The following INTS15 variants were observed in gnomAD, a reference collection of about 807,000 sequenced individuals.
INTS15 encodes the protein uncharacterized protein C7orf26.
the INTS15 span, chr7:6,591,897 T>C: frequency 6.3e-7 from 1 of 1,597,512 alleles, no homozygotes; most frequent in Non-Finnish European, 8.6e-7. Context: ...CTCGGCCGGG[T>C]GCGGTGGCTC....
At chr7:6,608,178 CT>C in the INTS15 span, 1 of 1,547,728 alleles carries the variant, frequency 6.5e-7, no homozygotes, top group Non-Finnish European at 8.7e-7. Context: ...CCGTGTGTGC[CT>C]TCTGCGCTCT....
At chr7:6,595,355 A>C in the INTS15 span, among the ~76,000 whole-genome samples, 3 of 151,838 alleles carry the variant, frequency 2.0e-5, no homozygotes, top group Non-Finnish European at 2.9e-5. Flanking sequence ...GTAGAGATGG[A>C]GTTTCACTGT....
chr7:6,607,932 G>C, the INTS15 span: 5 of 1,596,988 alleles, frequency 3.1e-6, no homozygotes, highest in African/African-American at 5.3e-5. This position sits in a 1 kb window ranked among gnomAD's most constrained non-coding sequence, Gnocchi z 6.0. Context: ...GAGCCCGCCC[G>C]CGCTGACGCT....
chr7:6,598,735 T>TGTGTG, the INTS15 span, among the ~76,000 whole-genome samples: 1 of 83,618 alleles, frequency 1.2e-5, no homozygotes, highest in Non-Finnish European at 2.1e-5. Context: ...GCTGTATGCT[T>TGTGTG]TGTGTGTGTG....
the INTS15 span, among the ~76,000 whole-genome samples, chr7:6,607,309 G>C: frequency 1.3e-5 from 2 of 152,044 alleles, no homozygotes; most frequent in African/African-American, 4.8e-5. This position sits in a 1 kb window ranked among gnomAD's most constrained non-coding sequence, Gnocchi z 6.0. Flanking sequence ...CTGGGGCCCG[G>C]AGGCCTTGGT....
the INTS15 span, chr7:6,602,000 C>A: frequency 9.7e-7 from 1 of 1,026,506 alleles, no homozygotes; most frequent in Non-Finnish European, 1.5e-6. Flanking sequence ...TAGTATGAGG[C>A]GCTCTTGCTG....
At chr7:6,602,294 C>A in the INTS15 span, 192 of 601,140 alleles carry the variant, frequency 3.2e-4, 2 homozygotes, top group African/African-American at 3.4e-3. Context: ...GTGAATGGAA[C>A]TCAAGTAGAA....
At chr7:6,600,028 C>T in the INTS15 span, 1 of 1,614,134 alleles carries the variant, frequency 6.2e-7, no homozygotes, top group South Asian at 1.1e-5. Flanking sequence ...AAAAGAAGCC[C>T]CCCTTATCCA....
At chr7:6,594,346 T>G in the INTS15 span, 1 of 1,354,260 alleles carries the variant, frequency 7.4e-7, no homozygotes, top group Non-Finnish European at 1.0e-6. Context: ...GGTTCTGCCA[T>G]TTCTGGAGGT....
At chr7:6,602,768 T>C in the INTS15 span, 2 of 471,006 alleles carry the variant, frequency 4.2e-6, no homozygotes, top group Admixed American at 2.4e-5. Flanking sequence ...AAGTGGGAAC[T>C]GTGGTCAGAT....
At chr7:6,602,151 T>G in the INTS15 span, 1 of 1,611,350 alleles carries the variant, frequency 6.2e-7, no homozygotes, top group South Asian at 1.1e-5. Context: ...GTAAGTATCC[T>G]CAGGACTCCT....
the INTS15 span, among the ~76,000 whole-genome samples, chr7:6,593,329 G>GT: frequency 0.015 from 1,978 of 130,820 alleles, 48 homozygotes; most frequent in African/African-American, 0.04. Context: ...CTGTGCGGTG[G>GT]TTTTTTTTTT....
chr7:6,606,171 T>C, the INTS15 span, among the ~76,000 whole-genome samples: 21 of 152,328 alleles, frequency 1.4e-4, no homozygotes, highest in Admixed American at 5.2e-4. Context: ...CGTTAATCTC[T>C]TGCTAAGTTA....
chr7:6,596,549 T>G, the INTS15 span, among the ~76,000 whole-genome samples: 5 of 151,444 alleles, frequency 3.3e-5, no homozygotes, highest in African/African-American at 1.2e-4. Flanking sequence ...CGGCTACTTT[T>G]TGTATTTTTA....
At chr7:6,608,001 C>T in the INTS15 span, 3 of 1,600,132 alleles carry the variant, frequency 1.9e-6, no homozygotes, top group Non-Finnish European at 2.5e-6. Context: ...CAGCAGTCGC[C>T]TCACGCCGCG....
At chr7:6,598,782 TGTGTA>T in the INTS15 span, among the ~76,000 whole-genome samples, 502 of 96,314 alleles carry the variant, frequency 5.2e-3, 8 homozygotes, top group African/African-American at 0.029. Flanking sequence ...TGTGTGTGTG[TGTGTA>T]TTTTTTTTTT....
chr7:6,591,540 A>C, the INTS15 span: 1 of 956,022 alleles, frequency 1.0e-6, no homozygotes, highest in Non-Finnish European at 1.6e-6. Context: ...CTGGGATTAC[A>C]GGCATGAGCC....
chr7:6,595,087 A>G, the INTS15 span, among the ~76,000 whole-genome samples: 1 of 152,108 alleles, frequency 6.6e-6, no homozygotes, highest in Non-Finnish European at 1.5e-5. Flanking sequence ...GCTGGAGTGC[A>G]GAGGCGTGAT....
At chr7:6,595,412 C>G in the INTS15 span, among the ~76,000 whole-genome samples, 2 of 152,308 alleles carry the variant, frequency 1.3e-5, no homozygotes, top group Admixed American at 1.3e-4. Flanking sequence ...AGTCCTCCCA[C>G]CTCGGCCTCC....
Sources: gnomAD v4.1 joint callset for allele counts (sites outside exome capture counted in the v4.1 genomes callset) on GRCh38, gnomAD v4.1.1 for gene constraint, Gnocchi (gnomAD v3.1) non-coding constraint, MANE v1.5 for transcripts, NCBI Gene and HGNC (gene_info 2026-07-23, HGNC 2026-07-21) for gene names.